The following FAM177B variants were observed in gnomAD, a reference collection of about 807,000 sequenced individuals.
FAM177B encodes protein FAM177B.
A neutral mutation model predicts 16.1 loss-of-function variants in FAM177B; 16 were observed. That is an observed-to-expected ratio of 0.99 (90% CI 0.67 to 1.51). The LOEUF (loss-of-function observed/expected upper bound fraction) is 1.51. FAM177B is among the 40% of genes most tolerant of loss of function. FAM177B has a pLI of 0.00. For missense variants in FAM177B, 178 were observed against 183.7 expected, an observed-to-expected ratio of 0.97 and a Z score of 0.18; for synonymous variants, 56 against 59.9, an observed-to-expected ratio of 0.93 and a Z score of 0.30.
chr1:222,747,840 C>T (rs536828194), intron 4 of FAM177B, among the ~76,000 whole-genome samples: 1 of 152,202 alleles, frequency 6.6e-6, no homozygotes, highest in Non-Finnish European at 1.5e-5. Flanking sequence ...AGATGAATGA[C>T]AAGTCTCTGC....
rs202070793 is a variant in FAM177B, at chr1:222,746,710, A to G, written c.165A>G (p.Thr55=). 8 of 1,609,842 alleles carry G rather than the reference A, an allele frequency of 5.0e-6. No homozygotes were observed. The East Asian group carries it at 8.9e-5, about 18-fold the overall frequency. ...EEKEEQSTNS[T]LDPSKLSWGP... is the part of the protein sequence containing the mutation. ...AGGAGGAGCAGAGCACAAATTCAAC[A>G]CTTGACCCTGTAAGCTTAGTATATC... The change falls in exon 3 of 6, where the codon ACA becomes ACG. Residue 55 remains threonine, a synonymous_variant. Coordinates refer to ENST00000445590, the MANE Select transcript of FAM177B (RefSeq NM_001394345.1).
At position 222,742,927 on chromosome 1, in the gene FAM177B, G is replaced by T. The variant is rs374879189; in HGVS notation, c.-15-3604G>T. 6.6e-5 allele frequency among the ~76,000 whole-genome samples: 10 copies of T among 152,092 alleles called. No homozygotes were observed. In the East Asian group the frequency reaches 1.2e-3, roughly 18 times the overall value. ...GCAAAAGTAATTGCGGTTTTTCCAT[G>T]ACTTTTAATGGCAAAAAATGGAATT... On this transcript the variant is annotated intron_variant, in intron 2 of 5. Transcript: ENST00000445590.
intron 2 of FAM177B, among the ~76,000 whole-genome samples, chr1:222,745,448 T>TAAAA (rs531393733): frequency 3.3e-5 from 5 of 151,264 alleles, no homozygotes; most frequent in African/African-American, 1.2e-4. Context: ...CCCATCTCTA[T>TAAAA]AAAAAAAAAT....
rs1658800077 is a variant in FAM177B at position 222,746,441 on chromosome 1, G to A, written c.-15-90G>A. ...AGGTCACAGGTGTGATTACCTCTGAGTTCTCTGTCTTTACTATCCATTGAA... is the reference window on the plus strand; with the variant it reads ...AGGTCACAGGTGTGATTACCTCTGAATTCTCTGTCTTTACTATCCATTGAA... On this transcript the variant is annotated intron_variant, in intron 2 of 5. Transcript: ENST00000445590. 17 of 686,614 alleles carry A rather than the reference G, an allele frequency of 2.5e-5. No homozygotes were observed. In the South Asian group the frequency reaches 3.5e-4, roughly 14 times the overall value. The allele number at this position is 686,614 out of a possible 1,614,324, so 42.5% of individuals were successfully genotyped here.
At chr1:222,748,308 T>C (rs1044527398) in intron 4 of FAM177B, among the ~76,000 whole-genome samples, 1 of 151,952 alleles carries the variant, frequency 6.6e-6, no homozygotes, top group Admixed American at 6.6e-5. Context: ...AGGGAGGGAA[T>C]TGGAGAAGAT....
chr1:222,748,582 G>A (rs1283960089), intron 4 of FAM177B, among the ~76,000 whole-genome samples: 1 of 152,104 alleles, frequency 6.6e-6, no homozygotes, highest in East Asian at 1.9e-4. Flanking sequence ...GAACTCAGAC[G>A]ACACAGGTAA....
Position 222,750,289 on chromosome 1 carries a change from A to G in FAM177B, c.*231A>G. 1 of 1,329,650 alleles carries G rather than the reference A, an allele frequency of 7.5e-7. No homozygotes were observed. The highest frequency in any genetic ancestry group is 2.0e-5 in the South Asian group (1 of 50,004). 82.4% of individuals were successfully genotyped at this position (1,329,650 alleles called of 1,614,324 possible). A position where few individuals can be genotyped will look rare whatever the true frequency, so the allele number is the denominator to read the frequency against. ...GACACTTTCTCAGAATAATTTCTAT[A>G]TTCAAGCCACCCCACCTCAACTCCA... On this transcript the variant is annotated 3_prime_UTR_variant, in exon 6 of 6. Transcript: ENST00000445590.
chr1:222,742,855 G>C (rs1439811718), intron 2 of FAM177B, among the ~76,000 whole-genome samples: 1 of 151,984 alleles, frequency 6.6e-6, no homozygotes. Flanking sequence ...CTTCTTTCGG[G>C]ATATTGTATT....
intron 2 of FAM177B, among the ~76,000 whole-genome samples, chr1:222,742,869 C>T (rs1381304699): frequency 6.6e-6 from 1 of 151,788 alleles, no homozygotes; most frequent in African/African-American, 2.4e-5. Flanking sequence ...TTGTATTTTG[C>T]TTCTTTTATC....
intron 3 of FAM177B, 43 bp downstream of exon 3, chr1:222,746,762 C>T (rs761571195): frequency 5.5e-6 from 8 of 1,456,094 alleles, no homozygotes; most frequent in South Asian, 4.9e-5. Context: ...GTGGGGGAGG[C>T]GGTGAATGAA....
At position 222,750,757 on chromosome 1, in the gene FAM177B, G is replaced by A. The variant is rs1659016097; in HGVS notation, c.*699G>A. ...TGGAAATCATTGTTAGATAACACAG[G>A]GTGTGCTGGCCAAAGTAACTGTGAT... On this transcript the variant is annotated 3_prime_UTR_variant, in exon 6 of 6. Coordinates refer to ENST00000445590, the MANE Select transcript of FAM177B (RefSeq NM_001394345.1). 8.2e-6 allele frequency: 2 copies of A among 242,802 alleles called. No individual in the cohort carries two copies. Among genetic ancestry groups the A allele is most frequent in the African/African-American group, 2.3e-5 (1 of 42,838 alleles). The allele number at this position is 242,802 out of a possible 1,614,324, so 15.0% of individuals were successfully genotyped here.
chr1:222,740,608 G>C (rs577089617), intron 2 of FAM177B, among the ~76,000 whole-genome samples: 1 of 152,220 alleles, frequency 6.6e-6, no homozygotes, highest in East Asian at 1.9e-4. Flanking sequence ...ACAATACTTA[G>C]AATTCTGTCA....
intron 2 of FAM177B, among the ~76,000 whole-genome samples, chr1:222,744,296 C>T (rs945302873): frequency 6.6e-6 from 1 of 151,936 alleles, no homozygotes; most frequent in Non-Finnish European, 1.5e-5. Flanking sequence ...CATGGTGAAA[C>T]CCCGTCTCTA....
chr1:222,737,443 AATG>A, intron 1 of FAM177B, 121 bp downstream of exon 1: 1 of 152,338 alleles, frequency 6.6e-6, no homozygotes, highest in East Asian at 1.9e-4. Flanking sequence ...AAAGACTGGA[AATG>A]AGCAAGGAAA....
intron 4 of FAM177B, among the ~76,000 whole-genome samples, chr1:222,748,028 G>A (rs927312820): frequency 1.3e-5 from 2 of 152,308 alleles, no homozygotes; most frequent in East Asian, 3.9e-4. Context: ...GCTGGCTAAG[G>A]CTAGCTTGAG....
At chr1:222,738,943 T>C (rs1007264863) in intron 2 of FAM177B, among the ~76,000 whole-genome samples, 5 of 152,214 alleles carry the variant, frequency 3.3e-5, no homozygotes, top group Non-Finnish European at 5.9e-5. Flanking sequence ...GGTCTCTCTC[T>C]CCACTCCCCT....
intron 3 of FAM177B, 107 bp from the exon 4 acceptor site, chr1:222,746,908 A>G: frequency 1.1e-6 from 1 of 948,182 alleles, no homozygotes; most frequent in Non-Finnish European, 1.7e-6. Flanking sequence ...TGTGAGAGAG[A>G]AAATGGAACA....
Position 222,749,555 on chromosome 1 carries a change from A to G in FAM177B, c.332A>G (p.Gln111Arg). The change falls in exon 5 of 6, where the codon CAA (glutamine) becomes CGA (arginine). Residue 111 changes from glutamine (Q) to arginine (R), a missense_variant. Transcript: ENST00000445590. The stretch of plus-strand genomic sequence containing the variant: ...GTGTTAAACGAGTTCTATAGGATAC[A>G]AAACAAGGTATGTGACACTCTGATG... The part of the protein sequence containing the change: ...QYVLNEFYRI[Q>R]NKKSDNKSER... 3 of 1,579,984 alleles carry G rather than the reference A, an allele frequency of 1.9e-6. No individual in the cohort carries two copies. The highest frequency in any genetic ancestry group is 2.6e-6 in the Non-Finnish European group (3 of 1,152,578).
rs1658816713 is a variant in FAM177B, at chr1:222,746,725, C to T, written c.174+6C>T. On this transcript the variant is annotated splice_donor_region_variant and intron_variant, in intron 3 of 5. Coordinates refer to ENST00000445590, the MANE Select transcript of FAM177B (RefSeq NM_001394345.1). ...CAAATTCAACACTTGACCCTGTAAG[C>T]TTAGTATATCAATATTAGGGAACAT... 6.3e-7 allele frequency: 1 copy of T among 1,599,820 alleles called. No individual in the cohort carries two copies. Among genetic ancestry groups the T allele is most frequent in the South Asian group, 1.1e-5 (1 of 89,612 alleles).
Sources: allele counts gnomAD v4.1 joint callset (sites outside exome capture counted in the v4.1 genomes callset), GRCh38; gene constraint gnomAD v4.1.1; transcripts MANE v1.5; gene names NCBI Gene and HGNC (gene_info 2026-07-23, HGNC 2026-07-21).